DNAAF9: variants seen among roughly 807,000 people sequenced by gnomAD.
The protein encoded by DNAAF9 is shulin.
Under a neutral mutation model 167.0 loss-of-function variants are expected in DNAAF9, and 90 were observed. The ratio of observed to expected loss-of-function variants is 0.54; its 90% CI spans 0.45 to 0.64. The LOEUF (loss-of-function observed/expected upper bound fraction) is 0.64, where lower values mean the gene tolerates loss of function less well. Among genes scored for constraint, DNAAF9 ranks in the 30% least tolerant of loss-of-function variants. The pLI is 0.00. For synonymous variants in DNAAF9, 491 were observed against 508.8 expected, an observed-to-expected ratio of 0.96 and a Z score of 0.47; for missense variants, 1,315 against 1,442.2, an observed-to-expected ratio of 0.91 and a Z score of 1.43.
rs10522445 is a variant in DNAAF9 at position 3,394,949 on chromosome 20, C to CTTTTTTT, written c.84-12450_84-12444dup. Among the ~76,000 whole-genome samples, 80 of 102,118 alleles carry CTTTTTTT rather than the reference C, an allele frequency of 7.8e-4. 8 individuals are homozygous for CTTTTTTT. The highest frequency in any genetic ancestry group is 1.1e-3 in the Non-Finnish European group (59 of 52,748). 67.0% of individuals were successfully genotyped at this position (102,118 alleles called of 152,430 possible). On this transcript the variant is annotated intron_variant, in intron 1 of 36. Transcript: ENST00000252032. ...GCTTTTACTGAACATTTTCTTTTTT[C>CTTTTTTT]TTTTTTTTTTTTTTTTTTTTTTTTT...
chr20:3,394,998 C>T (rs1434693335), intron 1 of DNAAF9, among the ~76,000 whole-genome samples: 37 of 99,354 alleles, frequency 3.7e-4, no homozygotes, highest in African/African-American at 1.2e-3. Flanking sequence ...GACGGAGTTT[C>T]GCTCTGTCGC....
intron 22 of DNAAF9, 68 bp from the exon 23 acceptor site, chr20:3,297,017 G>T: frequency 1.2e-6 from 1 of 845,788 alleles, no homozygotes; most frequent in Non-Finnish European, 2.0e-6. Flanking sequence ...GCCACATGGG[G>T]ATTTGATGGT....
chr20:3,317,563 C>T (rs990208636), intron 17 of DNAAF9, among the ~76,000 whole-genome samples: 7 of 151,986 alleles, frequency 4.6e-5, no homozygotes, highest in African/African-American at 1.7e-4. Context: ...ATTTTGCCAA[C>T]CTAACAGGTA....
intron 12 of DNAAF9, among the ~76,000 whole-genome samples, chr20:3,326,739 C>T (rs1048821750): frequency 1.6e-5 from 2 of 123,056 alleles, no homozygotes; most frequent in African/African-American, 6.2e-5. Context: ...CAGAGTGGGA[C>T]CCTGTCTCAA....
Position 3,381,065 on chromosome 20 carries a change from T to C in DNAAF9, c.283+314A>G, listed in dbSNP as rs11906262. On this transcript the variant is annotated intron_variant, in intron 3 of 36. Transcript: ENST00000252032. ...TTTCACAGGACAACACCATGTAATCTGAACCGTTAGCATGTAGAGGCAATG... is the reference window on the plus strand; with the variant it reads ...TTTCACAGGACAACACCATGTAATCCGAACCGTTAGCATGTAGAGGCAATG... Among the ~76,000 whole-genome samples, 486 of 152,284 alleles carry C rather than the reference T, an allele frequency of 3.2e-3. 2 individuals carry two copies. Among genetic ancestry groups the C allele is most frequent in the African/African-American group, 0.011 (455 of 41,554 alleles).
intron 25 of DNAAF9, among the ~76,000 whole-genome samples, chr20:3,290,828 G>A (rs1472609153): frequency 6.8e-6 from 1 of 146,190 alleles, no homozygotes; most frequent in East Asian, 2.0e-4. Context: ...TCACTCTGTC[G>A]CCCAGGCTGA....
intron 10 of DNAAF9, among the ~76,000 whole-genome samples, chr20:3,332,892 GTGCGTGTGGTGTGT>G (rs2069861098): frequency 7.7e-6 from 1 of 129,222 alleles, no homozygotes; most frequent in Non-Finnish European, 1.6e-5. Flanking sequence ...GTGTGCGTGT[GTGCGTGTGGTGTGT>G]GTGTGTGTGT....
rs987725443 is a variant in DNAAF9, at chr20:3,399,282, G to C, written c.83+8193C>G. Among the ~76,000 whole-genome samples the C allele has an allele frequency of 1.1e-4, 17 of 151,950 alleles. 2 individuals carry two copies. The South Asian group carries it at 2.3e-3, about 20-fold the overall frequency. ...CACCCAGGCTGGAGTACAATGGTGC[G>C]ATCTCGGCTCACTGCAACCAAGGTT... On this transcript the variant is annotated intron_variant, in intron 1 of 36. Transcript: ENST00000252032.
In DNAAF9 at chr20:3,315,755, T is replaced by C. The variant is rs2069490261; in HGVS notation, c.1570A>G (p.Lys524Glu). ...VEDNEVKLSE[K>E]TQQAVRGDES... is the part of the protein sequence containing the mutation. ...CTTACCCTCACTGCTTGCTGGGTTT[T>C]CTCAGACAATTTTACTTCATTATCT... The change falls in exon 19 of 37, where the codon AAA (lysine) becomes GAA (glutamate). Residue 524 changes from lysine to glutamate, a missense_variant. Lys to Glu is a moderately conservative substitution (Grantham distance 56). Around this residue, in one of 2 missense-constraint regions of DNAAF9, gnomAD observed 981 missense variants for 1,012.5 expected, o/e 0.97. Transcript: ENST00000252032. This position sits in a 1 kb window ranked among gnomAD's most constrained non-coding sequence, Gnocchi z 4.1. The C allele has an allele frequency of 6.2e-7, 1 of 1,613,836 alleles. No homozygotes were observed. The highest frequency in any genetic ancestry group is 8.5e-7 in the Non-Finnish European group (1 of 1,179,682).
intron 1 of DNAAF9, among the ~76,000 whole-genome samples, chr20:3,406,499 T>A (rs1383838829): frequency 1.3e-5 from 2 of 152,174 alleles, no homozygotes; most frequent in South Asian, 2.1e-4. Context: ...AGGTCTCTGC[T>A]GCAACCCCTC....
chr20:3,383,696 A>C (rs1326935489), intron 1 of DNAAF9, among the ~76,000 whole-genome samples: 2 of 151,920 alleles, frequency 1.3e-5, no homozygotes, highest in African/African-American at 2.4e-5. Flanking sequence ...TCCCTTACTG[A>C]ATCTCCTCCA....
Position 3,270,489 on chromosome 20 carries a change from G to A in DNAAF9, c.2724C>T (p.Ser908=). The part of the protein sequence containing the change: ...QRHPLLVQLQ[S]LIRAANPAAA... ...CAGCAGGATTGGCAGCCCTGATGAG[G>A]CTCTGCAGCTGAACAAGGAGAGGGT... The change falls in exon 30 of 37, where the codon AGC becomes AGT. Residue 908 remains serine (S), a synonymous_variant. Coordinates refer to ENST00000252032, the MANE Select transcript of DNAAF9 (RefSeq NM_001009984.3). 1 of 1,613,086 alleles carries A rather than the reference G, an allele frequency of 6.2e-7. No homozygotes were observed. Among genetic ancestry groups the A allele is most frequent in the Non-Finnish European group, 8.5e-7 (1 of 1,179,188 alleles).
chr20:3,316,761 C>T lies in DNAAF9; in HGVS notation c.1501G>A (p.Val501Ile). ...AATCTGGGTACAGCAGCAGTCAGGA[C>T]TACGGAGCTGGTTTCTGTGGTAACA... Reference protein sequence around the residue: ...GTVTTETSSVVLTAAVPRFCS... With the variant: ...GTVTTETSSVILTAAVPRFCS... Residue 501 changes from valine (V) to isoleucine (I), a missense_variant, in exon 18 of 37, where the codon GTC becomes ATC. Physicochemically the swap from Val to Ile is conservative, Grantham distance 29. Transcript: ENST00000252032. 1 of 1,613,894 alleles carries T rather than the reference C, an allele frequency of 6.2e-7. No individual in the cohort carries two copies. Among genetic ancestry groups the T allele is most frequent in the Non-Finnish European group, 8.5e-7 (1 of 1,179,820 alleles).
chr20:3,259,013 CA>C (rs2068331562), intron 33 of DNAAF9, among the ~76,000 whole-genome samples: 1 of 152,224 alleles, frequency 6.6e-6, no homozygotes. Context: ...TCCAGGACAG[CA>C]AGGGCTCCAG....
intron 22 of DNAAF9, 101 bp downstream of exon 22, chr20:3,297,928 C>G: frequency 1.1e-6 from 1 of 909,384 alleles, no homozygotes; most frequent in South Asian, 1.5e-5. Flanking sequence ...AACTCTCCCT[C>G]TCATCACTTC....
chr20:3,272,783 T>A lies in DNAAF9; in HGVS notation c.2651-2221A>T, dbSNP rs185447470. Among the ~76,000 whole-genome samples, 406 of 152,286 alleles carry A rather than the reference T, an allele frequency of 2.7e-3. 2 individuals are homozygous for A. The highest frequency in any genetic ancestry group is 9.2e-3 in the African/African-American group (384 of 41,566). ...CTTAAAAAAGATTCAATGCTCATCA[T>A]CAACCCATTTACTAATAGAGAGTAG... On this transcript the variant is annotated intron_variant, in intron 29 of 36. Coordinates refer to ENST00000252032, the MANE Select transcript of DNAAF9 (RefSeq NM_001009984.3).
chr20:3,266,121 A>G (rs1247406354), intron 30 of DNAAF9, among the ~76,000 whole-genome samples: 1 of 152,216 alleles, frequency 6.6e-6, no homozygotes, highest in African/African-American at 2.4e-5. Flanking sequence ...TCTAATTCTC[A>G]TAATTAGATT....
In DNAAF9 at chr20:3,365,373, TTTTA is replaced by T. The variant is rs145072503; in HGVS notation, c.613-5784_613-5781del. Among the ~76,000 whole-genome samples, 1,031 of 149,690 alleles carry T rather than the reference TTTTA, an allele frequency of 6.9e-3. 5 individuals carry two copies. The highest frequency in any genetic ancestry group is 0.012 in the African/African-American group (468 of 40,524). On this transcript the variant is annotated intron_variant, in intron 6 of 36. Transcript: ENST00000252032. Reference sequence around the variant, plus strand: ...TGATATGCCACACTATTTGATAACATTTTATTTATTTATTTATTTATTTATTTAT... The same window carrying T: ...TGATATGCCACACTATTTGATAACATTTTATTTATTTATTTATTTATTTAT...
rs771546245 is a variant in DNAAF9, at chr20:3,375,006, G to A, written c.505+24C>T. On this transcript the variant is annotated intron_variant, in intron 5 of 36. Coordinates refer to ENST00000252032, the MANE Select transcript of DNAAF9 (RefSeq NM_001009984.3). ...CACACACCACCTAAGCAAGGTTCTA[G>A]AAGGCTTGCTGTCAGATACTCACCT... The A allele has an allele frequency of 3.1e-6, 4 of 1,307,794 alleles. No homozygotes were observed. In the East Asian group the frequency reaches 6.9e-5, roughly 23 times the overall value. 81.0% of individuals were successfully genotyped at this position (1,307,794 alleles called of 1,614,324 possible).
Sources: allele counts gnomAD v4.1 joint callset (sites outside exome capture counted in the v4.1 genomes callset), GRCh38; gene constraint gnomAD v4.1.1; regional missense constraint gnomAD v4.1.1; non-coding constraint Gnocchi (gnomAD v3.1); transcripts MANE v1.5; gene names NCBI Gene and HGNC (gene_info 2026-07-23, HGNC 2026-07-21).